Variants in CLYBL observed in about 807,000 individuals in gnomAD.
The protein encoded by CLYBL is citramalyl-CoA lyase, also known as citramalyl-CoA lyase, mitochondrial.
In CLYBL, 31 loss-of-function variants were observed where a neutral mutation model predicts 38.9. The observed-to-expected ratio is 0.80, with a 90% confidence interval of 0.60 to 1.08. The LOEUF is 1.08. Ranked by LOEUF, CLYBL falls within the 50% of genes least tolerant of loss-of-function variation. CLYBL has a pLI of 0.00. For missense variants in CLYBL, 434 were observed against 411.6 expected (o/e 1.05, Z -0.47); for synonymous variants, 171 against 158.6 (o/e 1.08, Z -0.59).
At chr13:99,713,622 G>A (rs945663108) in intron 1 of CLYBL, among the ~76,000 whole-genome samples, 1 of 152,064 alleles carries the variant, frequency 6.6e-6, no homozygotes, top group Admixed American at 6.6e-5. Flanking sequence ...TTACAGGCAT[G>A]AGCCACCATG....
At chr13:99,608,221 C>T (rs1235832531) in intron 1 of CLYBL, among the ~76,000 whole-genome samples, 1 of 151,828 alleles carries the variant, frequency 6.6e-6, no homozygotes, top group African/African-American at 2.4e-5. Context: ...ACAGGGCGTC[C>T]GCCACCATGC....
intron 1 of CLYBL, among the ~76,000 whole-genome samples, chr13:99,753,101 CA>C (rs1216880137): frequency 6.6e-6 from 1 of 151,964 alleles, no homozygotes; most frequent in African/African-American, 2.4e-5. Flanking sequence ...AAGAGCCTTC[CA>C]GAGAGGGAAC....
chr13:99,721,461 T>G (rs1250691235), intron 1 of CLYBL, among the ~76,000 whole-genome samples: 1 of 151,098 alleles, frequency 6.6e-6, no homozygotes, highest in Non-Finnish European at 1.5e-5. Context: ...TTTTTTTATT[T>G]TCTTTTTTTA....
chr13:99,673,491 G>A (rs2047598185), intron 1 of CLYBL, among the ~76,000 whole-genome samples: 1 of 152,174 alleles, frequency 6.6e-6, no homozygotes, highest in African/African-American at 2.4e-5. Flanking sequence ...AGGGGGTAAG[G>A]ATAAGCCCCA....
intron 1 of CLYBL, among the ~76,000 whole-genome samples, chr13:99,764,235 C>CT (rs1206893756): frequency 1.4e-4 from 21 of 148,800 alleles, no homozygotes; most frequent in Non-Finnish European, 2.1e-4. Flanking sequence ...TTTTTTTTTT[C>CT]TTTTCTTTTG....
intron 2 of CLYBL, among the ~76,000 whole-genome samples, chr13:99,832,678 C>T (rs1320253426): frequency 1.3e-5 from 2 of 152,050 alleles, no homozygotes; most frequent in Non-Finnish European, 2.9e-5. Context: ...GTGGACTGGG[C>T]AAGCTGGCCA....
intron 2 of CLYBL, among the ~76,000 whole-genome samples, chr13:99,856,610 A>AAAAGCTG (rs2051464963): frequency 6.6e-6 from 1 of 152,080 alleles, no homozygotes; most frequent in Admixed American, 6.5e-5. Context: ...GTGCCTTCCA[A>AAAAGCTG]AAAGCTGAAA....
chr13:99,660,255 C>T (rs1272812157), intron 1 of CLYBL, among the ~76,000 whole-genome samples: 1 of 152,164 alleles, frequency 6.6e-6, no homozygotes, highest in African/African-American at 2.4e-5. Flanking sequence ...TTGCAGGAAG[C>T]CGGAGAAACA....
At chr13:99,868,111 G>A (rs1566360573) in intron 6 of CLYBL, among the ~76,000 whole-genome samples, 1 of 152,114 alleles carries the variant, frequency 6.6e-6, no homozygotes, top group African/African-American at 2.4e-5. Flanking sequence ...GGGAAGCGAG[G>A]ATAATGGGAA....
At chr13:99,721,137 A>G (rs1461405817) in intron 1 of CLYBL, among the ~76,000 whole-genome samples, 1 of 150,522 alleles carries the variant, frequency 6.6e-6, no homozygotes. Context: ...TCCACCTCCC[A>G]GGTTCAAGCG....
chr13:99,752,231 T>C (rs1271205259), intron 1 of CLYBL, among the ~76,000 whole-genome samples: 1 of 152,194 alleles, frequency 6.6e-6, no homozygotes, highest in African/African-American at 2.4e-5. Flanking sequence ...TTTAGCCCTC[T>C]GAGGACAGAG....
intron 2 of CLYBL, among the ~76,000 whole-genome samples, chr13:99,841,932 C>T (rs1309804129): frequency 1.3e-5 from 2 of 151,170 alleles, no homozygotes; most frequent in Admixed American, 6.6e-5. Flanking sequence ...TCTCCTGCCT[C>T]AGCCTCCTGA....
chr13:99,608,406 G>A (rs1180018417), intron 1 of CLYBL, among the ~76,000 whole-genome samples: 1 of 152,164 alleles, frequency 6.6e-6, no homozygotes, highest in Non-Finnish European at 1.5e-5. Context: ...CTTGCACTGT[G>A]ACTCTTCAGT....
At chr13:99,681,876 A>G (rs1435420296) in intron 1 of CLYBL, among the ~76,000 whole-genome samples, 1 of 151,364 alleles carries the variant, frequency 6.6e-6, no homozygotes, top group Non-Finnish European at 1.5e-5. Context: ...GTGAGCCACC[A>G]CTCCCTGCCT....
intron 1 of CLYBL, among the ~76,000 whole-genome samples, chr13:99,730,186 G>A (rs534184003): frequency 1.3e-5 from 2 of 152,322 alleles, no homozygotes; most frequent in African/African-American, 2.4e-5. Context: ...GTGCACCCAG[G>A]ACACTCAGGA....
chr13:99,618,785 T>A (rs1431999335), intron 1 of CLYBL, among the ~76,000 whole-genome samples: 1 of 152,222 alleles, frequency 6.6e-6, no homozygotes, highest in Non-Finnish European at 1.5e-5. Context: ...CTCTAGGTAC[T>A]TCACATACAT....
At chr13:99,715,040 A>G (rs2048291244) in intron 1 of CLYBL, among the ~76,000 whole-genome samples, 1 of 152,224 alleles carries the variant, frequency 6.6e-6, no homozygotes, top group Non-Finnish European at 1.5e-5. Flanking sequence ...CTGTAAGGTT[A>G]TCAGCTGGGG....
At chr13:99,833,026 ATATATTTTTTTTTTT>A (rs1451269997) in intron 2 of CLYBL, among the ~76,000 whole-genome samples, 2 of 36,256 alleles carry the variant, frequency 5.5e-5, no homozygotes, top group African/African-American at 2.3e-4. Flanking sequence ...ATATATATAT[ATATATTTTTTTTTTT>A]TTTTTTTTTT....
chr13:99,619,284 C>T (rs956130297), intron 1 of CLYBL, among the ~76,000 whole-genome samples: 4 of 152,128 alleles, frequency 2.6e-5, no homozygotes, highest in South Asian at 2.1e-4. Context: ...TTCCACCCTG[C>T]GCCATGTGAG....
Sources: gnomAD v4.1 joint callset for allele counts (sites outside exome capture counted in the v4.1 genomes callset) on GRCh38, gnomAD v4.1.1 for gene constraint, MANE v1.5 for transcripts, NCBI Gene and HGNC (gene_info 2026-07-23, HGNC 2026-07-21) for gene names.